MYT1: variants seen among roughly 807,000 people sequenced by gnomAD.
The protein encoded by MYT1 is myelin transcription factor I.
In MYT1, 23 loss-of-function variants were observed where a neutral mutation model predicts 123.0. The observed-to-expected ratio is 0.19, with a 90% confidence interval of 0.13 to 0.26. The LOEUF is 0.26. Ranked by LOEUF, MYT1 falls within the 10% of genes least tolerant of loss-of-function variation. The probability of loss-of-function intolerance (pLI) is 1.00; values close to 1 mark genes in which losing one functional copy is unlikely to be tolerated. For synonymous variants in MYT1, 518 were observed against 575.3 expected, an observed-to-expected ratio of 0.90 and a Z score of 1.43; for missense variants, 1,125 against 1,472.5, an observed-to-expected ratio of 0.76 and a Z score of 3.86.
In MYT1 at chr20:64,232,531, C is replaced by T. The variant is rs1003074304; in HGVS notation, c.2897+146C>T. ...GGGAAAGGCCAGGCCACATGGGTAG[C>T]GGATGGGGGAGGCTAGCGGGTCTGT... On this transcript the variant is annotated intron_variant, in intron 19 of 22. Transcript: ENST00000328439. This position sits in a 1 kb window ranked among gnomAD's most constrained non-coding sequence, Gnocchi z 6.9. 34 of 756,374 alleles carry T rather than the reference C, an allele frequency of 4.5e-5. No homozygotes were observed. The highest frequency in any genetic ancestry group is 1.6e-4 in the South Asian group (9 of 57,496). The allele number at this position is 756,374 out of a possible 1,614,324, so 46.9% of individuals were successfully genotyped here.
rs1262079970 is a variant in MYT1 at position 64,166,718 on chromosome 20, C to G, written c.-99+1979C>G. Among the ~76,000 whole-genome samples, 1 of 152,226 alleles carries G rather than the reference C, an allele frequency of 6.6e-6. No homozygotes were observed. The highest frequency in any genetic ancestry group is 1.5e-5 in the Non-Finnish European group (1 of 68,038). On this transcript the variant is annotated intron_variant, in intron 1 of 22. Coordinates refer to ENST00000328439, the MANE Select transcript of MYT1 (RefSeq NM_004535.3). The surrounding 1 kb of genome is among the most constrained non-coding windows in gnomAD (Gnocchi z 4.9). Reference sequence around the variant, plus strand: ...TGGTCACCTACTCCCTTGAATGCCCCTGGTGCATGAGTGGGGAAACACTCT... The same window carrying G: ...TGGTCACCTACTCCCTTGAATGCCCGTGGTGCATGAGTGGGGAAACACTCT...
At chr20:64,221,397 A>G (rs1036759707) in intron 13 of MYT1, among the ~76,000 whole-genome samples, 1 of 152,242 alleles carries the variant, frequency 6.6e-6, no homozygotes, top group African/African-American at 2.4e-5. Context: ...TGGTCAAGGC[A>G]TCGCACTGGT....
intron 19 of MYT1, among the ~76,000 whole-genome samples, chr20:64,235,910 T>G (rs1025345895): frequency 1.4e-5 from 2 of 144,486 alleles, no homozygotes; most frequent in Non-Finnish European, 3.0e-5. Context: ...ATGGCCGCGG[T>G]GGGTGACCCT....
intron 21 of MYT1, among the ~76,000 whole-genome samples, chr20:64,239,380 T>C (rs1984645463): frequency 6.6e-6 from 1 of 152,066 alleles, no homozygotes; most frequent in Non-Finnish European, 1.5e-5. Flanking sequence ...GAGTCTGAGA[T>C]TGAGACAGGG....
At chr20:64,204,336 T>A (rs914994644) in intron 4 of MYT1, among the ~76,000 whole-genome samples, 1 of 152,204 alleles carries the variant, frequency 6.6e-6, no homozygotes, top group Non-Finnish European at 1.5e-5. Flanking sequence ...GGGTGAGAGA[T>A]GCAGGAGGGT....
In MYT1 at chr20:64,208,236, G is replaced by A. The variant is rs61746506; in HGVS notation, c.1040G>A (p.Arg347His). Residue 347 changes from arginine to histidine, a missense_variant, in exon 7 of 23, where the codon CGC becomes CAC. Physicochemically the swap from Arg to His is conservative, Grantham distance 29. This residue lies in a region of MYT1 where 429 missense variants were observed against 604.1 expected (regional missense o/e 0.71). Transcript: ENST00000328439. The surrounding 1 kb of genome is among the most constrained non-coding windows in gnomAD (Gnocchi z 5.4). ...GAGTACTCTGTTATTGTGGAGGTCC[G>A]CTCGGATGATGACAAGGACGAGGAC... is the stretch of plus-strand genomic sequence containing the variant. ...KPEYSVIVEV[R>H]SDDDKDEDTH... 73 of 1,614,110 alleles carry A rather than the reference G, an allele frequency of 4.5e-5. No individual in the cohort carries two copies. The African/African-American group carries it at 7.9e-4, about 17-fold the overall frequency.
chr20:64,228,012 T>C, intron 18 of MYT1, 41 bp downstream of exon 18: 2 of 1,587,328 alleles, frequency 1.3e-6, no homozygotes, highest in Non-Finnish European at 1.7e-6. Context: ...CATTGCGGAA[T>C]TGAGATTTTC....
intron 1 of MYT1, among the ~76,000 whole-genome samples, chr20:64,184,795 A>G (rs911973939): frequency 6.6e-6 from 1 of 152,186 alleles, no homozygotes; most frequent in African/African-American, 2.4e-5. Flanking sequence ...GAAGAGGGGA[A>G]GAGGAAAACC....
Position 64,227,873 on chromosome 20 carries a change from C to T in MYT1, c.2592-15C>T. On this transcript the variant is annotated splice_polypyrimidine_tract_variant and intron_variant, in intron 17 of 22. Transcript: ENST00000328439. Reference sequence around the variant, plus strand: ...TCCAGCACTAAGGTGGCCTTTTTTCCTCTTTCGAAATCAGCTTGTCCGGCT... The same window carrying T: ...TCCAGCACTAAGGTGGCCTTTTTTCTTCTTTCGAAATCAGCTTGTCCGGCT... 1 of 1,607,932 alleles carries T rather than the reference C, an allele frequency of 6.2e-7. No individual in the cohort carries two copies. The highest frequency in any genetic ancestry group is 8.5e-7 in the Non-Finnish European group (1 of 1,177,550).
In MYT1 at chr20:64,213,661, G is replaced by A. The variant is rs1224448956; in HGVS notation, c.1631+14G>A. 3 of 1,607,874 alleles carry A rather than the reference G, an allele frequency of 1.9e-6. No homozygotes were observed. The highest frequency in any genetic ancestry group is 2.6e-6 in the Non-Finnish European group (3 of 1,174,924). ...TCGGATCCTCAGGTGAGTGAGATGA[G>A]CCACAGAACTGAAGAGGCTGCCTCC... On this transcript the variant is annotated intron_variant, in intron 10 of 22. Transcript: ENST00000328439. This position sits in a 1 kb window ranked among gnomAD's most constrained non-coding sequence, Gnocchi z 5.6.
At chr20:64,220,071 C>T in intron 13 of MYT1, 89 bp downstream of exon 13, 1 of 1,404,850 alleles carries the variant, frequency 7.1e-7, no homozygotes, top group South Asian at 1.7e-5. Flanking sequence ...TTCAAGGAAG[C>T]TTCTCCTCAC....
chr20:64,238,537 A>G (rs890215093), intron 21 of MYT1, among the ~76,000 whole-genome samples: 5 of 152,270 alleles, frequency 3.3e-5, no homozygotes, highest in Admixed American at 6.5e-5. Context: ...CACAGGGATC[A>G]GGAAGGATTT....
rs184296772 is a variant in MYT1, at chr20:64,212,786, T to C, written c.1517+648T>C. Among the ~76,000 whole-genome samples the C allele has an allele frequency of 3.3e-4, 50 of 152,074 alleles. No homozygotes were observed. The highest frequency in any genetic ancestry group is 7.1e-4 in the Non-Finnish European group (48 of 67,964). Reference sequence around the variant, plus strand: ...CTCGAGGTGTAGTTGTTGACTGGTCTTCTATGGTGAGGGGGGACTACTCCT... The same window carrying C: ...CTCGAGGTGTAGTTGTTGACTGGTCCTCTATGGTGAGGGGGGACTACTCCT... On this transcript the variant is annotated intron_variant, in intron 9 of 22. Coordinates refer to ENST00000328439, the MANE Select transcript of MYT1 (RefSeq NM_004535.3). The surrounding 1 kb of genome is among the most constrained non-coding windows in gnomAD (Gnocchi z 6.8).
chr20:64,219,678 G>A (rs1363954274), intron 12 of MYT1, 35 bp from the exon 13 acceptor site: 1 of 1,561,624 alleles, frequency 6.4e-7, no homozygotes, highest in Non-Finnish European at 8.8e-7. Flanking sequence ...GGGAAGGGAT[G>A]GAATCGCTAA....
At chr20:64,180,009 G>A (rs901148296) in intron 1 of MYT1, among the ~76,000 whole-genome samples, 8 of 143,828 alleles carry the variant, frequency 5.6e-5, no homozygotes, top group East Asian at 2.1e-4. Flanking sequence ...CGCCACACAC[G>A]CTACACACAT....
chr20:64,238,357 C>A (rs533220051), intron 21 of MYT1, among the ~76,000 whole-genome samples: 1 of 152,248 alleles, frequency 6.6e-6, no homozygotes, highest in East Asian at 1.9e-4. Flanking sequence ...TCCAGCCCCA[C>A]GTGTCTCATT....
intron 13 of MYT1, among the ~76,000 whole-genome samples, chr20:64,220,395 G>A (rs563185657): frequency 1.3e-5 from 2 of 152,338 alleles, no homozygotes; most frequent in East Asian, 3.9e-4. Flanking sequence ...TGTCCGGGTA[G>A]GGGCAGAGCC....
chr20:64,205,744 G>C lies in MYT1; in HGVS notation c.341G>C (p.Gly114Ala), dbSNP rs146196513. 5 of 1,614,080 alleles carry C rather than the reference G, an allele frequency of 3.1e-6. No homozygotes were observed. In the South Asian group the frequency reaches 3.3e-5, roughly 11 times the overall value. The change falls in exon 6 of 23, where the codon GGG becomes GCG. Residue 114 changes from glycine to alanine, a missense_variant. Physicochemically the swap from Gly to Ala is moderately conservative, Grantham distance 60 (BLOSUM62 0). This residue lies in a region of MYT1 where 406 missense variants were observed against 432.2 expected (regional missense o/e 0.94). Transcript: ENST00000328439. ...GATGAATCGGAAGGAACTCTGGAGG[G>C]GGCCGAGGCTGAGACGTCAGGACAG... ...VSDESEGTLEGAEAETSGQDE... is the reference protein window; with the variant it reads ...VSDESEGTLEAAEAETSGQDE...
rs1474350493 is a variant in MYT1, at chr20:64,177,270, C to T, written c.-99+12531C>T. The stretch of plus-strand genomic sequence containing the variant: ...TGCAAAGCTATAGAATTGCCAACTC[C>T]CTGCCCCCACCTCTCCCTTCTCTCA... On this transcript the variant is annotated intron_variant, in intron 1 of 22. Coordinates refer to ENST00000328439, the MANE Select transcript of MYT1 (RefSeq NM_004535.3). Among the ~76,000 whole-genome samples, 8 of 152,222 alleles carry T rather than the reference C, an allele frequency of 5.3e-5. No homozygotes were observed. In the East Asian group the frequency reaches 1.5e-3, roughly 29 times the overall value.
Sources: gnomAD v4.1 joint callset for allele counts (sites outside exome capture counted in the v4.1 genomes callset) on GRCh38, gnomAD v4.1.1 for gene constraint, gnomAD v4.1.1 regional missense constraint, Gnocchi (gnomAD v3.1) non-coding constraint, MANE v1.5 for transcripts, NCBI Gene and HGNC (gene_info 2026-07-23, HGNC 2026-07-21) for gene names.